ODF2L: variants seen among roughly 807,000 people sequenced by gnomAD.
The protein encoded by ODF2L is outer dense fiber of sperm tails 2 like, also known as protein BCAP.
ODF2L carries 76 observed loss-of-function variants against 86.3 expected under a neutral mutation model. The ratio of observed to expected loss-of-function variants is 0.88; its 90% CI spans 0.73 to 1.07. The LOEUF is 1.07. ODF2L is among the 50% of genes least tolerant of loss of function. The pLI, the probability that ODF2L is intolerant of heterozygous loss-of-function variation, is 0.00. For missense variants in ODF2L, 748 were observed against 717.4 expected, an observed-to-expected ratio of 1.04 and a Z score of -0.49; for synonymous variants, 241 against 231.3, an observed-to-expected ratio of 1.04 and a Z score of -0.38.
chr1:86,347,199 C>G (rs1490565792), downstream of ODF2L: 1 of 152,172 alleles, frequency 6.6e-6, no homozygotes, highest in Non-Finnish European at 1.5e-5. Context: ...TTTTTGCTTA[C>G]ATTTTTCATA....
intron 11 of ODF2L, among the ~76,000 whole-genome samples, chr1:86,361,818 T>A (rs574332470): frequency 4.6e-5 from 7 of 152,236 alleles, no homozygotes; most frequent in Admixed American, 6.5e-5. Flanking sequence ...TGAGCCAATA[T>A]GTTCACTAGT....
At chr1:86,393,881 G>A (rs1480673212) in intron 1 of ODF2L, among the ~76,000 whole-genome samples, 2 of 152,140 alleles carry the variant, frequency 1.3e-5, no homozygotes, top group Non-Finnish European at 2.9e-5. Context: ...AAGTTAGGGT[G>A]ACTAAATTAT....
At chr1:86,361,923 G>T (rs554411606) in intron 11 of ODF2L, among the ~76,000 whole-genome samples, 2 of 152,246 alleles carry the variant, frequency 1.3e-5, no homozygotes, top group South Asian at 4.1e-4. Context: ...TGGAGGGGCA[G>T]ACAGACAAAA....
Position 86,362,537 on chromosome 1 carries a change from C to T in ODF2L, c.1144-2001G>A, listed in dbSNP as rs868460764. 9.9e-5 allele frequency among the ~76,000 whole-genome samples: 15 copies of T among 152,242 alleles called. No individual in the cohort carries two copies. The South Asian group carries it at 1.2e-3, about 13-fold the overall frequency. On this transcript the variant is annotated intron_variant, in intron 11 of 17. Transcript: ENST00000317336. ...AACTTCTGAGCTGAGGCGATCCTCC[C>T]ACATTGCCTTCCTGAAGTTGCAGGA...
At chr1:86,365,065 C>T (rs529298938) in intron 11 of ODF2L, among the ~76,000 whole-genome samples, 18 of 152,046 alleles carry the variant, frequency 1.2e-4, no homozygotes, top group Non-Finnish European at 2.5e-4. Context: ...AAAATATGAA[C>T]AATATTGTGT....
Position 86,382,359 on chromosome 1 carries a change from C to T in ODF2L, c.508-1G>A, listed in dbSNP as rs1050118514. The T allele has an allele frequency of 9.9e-6, 16 of 1,609,914 alleles. No individual in the cohort carries two copies. The highest frequency in any genetic ancestry group is 1.3e-5 in the African/African-American group (1 of 74,596). Reference sequence around the variant, plus strand: ...AACGGTTTGCTTTCAAAGTATTTGCCTGTAACAAAGAGAAAGAGAAAACCA... The same window carrying T: ...AACGGTTTGCTTTCAAAGTATTTGCTTGTAACAAAGAGAAAGAGAAAACCA... On this transcript the variant is annotated splice_acceptor_variant, in intron 6 of 17. Coordinates refer to ENST00000317336, the Ensembl canonical transcript of ODF2L. LOFTEE classifies it high-confidence loss of function.
chr1:86,393,135 C>T (rs1403472243), intron 1 of ODF2L, among the ~76,000 whole-genome samples: 3 of 152,178 alleles, frequency 2.0e-5, no homozygotes, highest in Non-Finnish European at 4.4e-5. Context: ...AGTAAATTAA[C>T]TAACTTCAGA....
exon 8 of ODF2L, chr1:86,376,296 G>A (rs771608808): frequency 1.9e-6 from 3 of 1,612,812 alleles, no homozygotes; most frequent in East Asian, 2.2e-5. Flanking sequence ...GCCTTTGTTT[G>A]TAAACTTTAG....
intron 1 of ODF2L, among the ~76,000 whole-genome samples, chr1:86,390,940 A>G (rs1661282972): frequency 6.6e-6 from 1 of 152,022 alleles, no homozygotes; most frequent in South Asian, 2.1e-4. Flanking sequence ...AATCCTAAAG[A>G]CTCCTCCAAA....
exon 16 of ODF2L, chr1:86,354,612 T>G: frequency 6.2e-7 from 1 of 1,608,386 alleles, no homozygotes; most frequent in East Asian, 2.2e-5. Flanking sequence ...AAACTTAAGA[T>G]TGCTGTGCTT....
intron 7 of ODF2L, 22 bp downstream of exon 7, chr1:86,382,220 T>C (rs369008521): frequency 4.5e-6 from 7 of 1,552,470 alleles, no homozygotes; most frequent in Non-Finnish European, 5.2e-6. Context: ...GCTATAAAAA[T>C]GGATATATAT....
chr1:86,353,798 A>C (rs1658326387), intron 16 of ODF2L, among the ~76,000 whole-genome samples: 1 of 152,188 alleles, frequency 6.6e-6, no homozygotes, highest in Non-Finnish European at 1.5e-5. Context: ...TAGGACAAAC[A>C]TTGACGCCCT....
rs1030262717 is a variant in ODF2L at position 86,352,772 on chromosome 1, G to C, written c.1893+87C>G. On this transcript the variant is annotated intron_variant, in intron 17 of 17. Transcript: ENST00000317336. Reference sequence around the variant, plus strand: ...TTTTAATATTATCAGTAAAACAATAGACTTGATTCACTCACTTTGTATTTT... The same window carrying C: ...TTTTAATATTATCAGTAAAACAATACACTTGATTCACTCACTTTGTATTTT... The C allele has an allele frequency of 1.0e-5, 8 of 776,528 alleles. No individual in the cohort carries two copies. The African/African-American group carries it at 1.1e-4, about 10-fold the overall frequency. 48.1% of individuals were successfully genotyped at this position (776,528 alleles called of 1,614,324 possible).
At chr1:86,363,055 G>A (rs1271973365) in intron 11 of ODF2L, among the ~76,000 whole-genome samples, 1 of 152,220 alleles carries the variant, frequency 6.6e-6, no homozygotes, top group East Asian at 1.9e-4. Context: ...TCACAGTAAC[G>A]ATGAGAGATG....
intron 8 of ODF2L, among the ~76,000 whole-genome samples, chr1:86,373,815 C>T (rs750345642): frequency 4.6e-5 from 7 of 152,116 alleles, no homozygotes; most frequent in Non-Finnish European, 7.4e-5. Flanking sequence ...ACACTGCTAC[C>T]GTCCACACAG....
rs572920946 is a variant in ODF2L, at chr1:86,364,599, G to T, written c.1143+4037C>A. Among the ~76,000 whole-genome samples the T allele has an allele frequency of 3.2e-4, 48 of 152,290 alleles. 1 individual carries two copies. The South Asian group carries it at 9.7e-3, about 31-fold the overall frequency. On this transcript the variant is annotated intron_variant, in intron 11 of 17. Transcript: ENST00000317336. Reference sequence around the variant, plus strand: ...AGGCAGGGGTCAAGTGCCTAAGTAAGTAAAAGAATCAAGTCATATGGGAAT... The same window carrying T: ...AGGCAGGGGTCAAGTGCCTAAGTAATTAAAAGAATCAAGTCATATGGGAAT...
chr1:86,387,040 T>C, exon 2 of ODF2L: 1 of 1,385,828 alleles, frequency 7.2e-7, no homozygotes, highest in Non-Finnish European at 1.0e-6. Context: ...ATTCAGTAAA[T>C]GGATTTATAG....
chr1:86,394,515 A>G (rs1309131459), intron 1 of ODF2L, among the ~76,000 whole-genome samples: 1 of 152,174 alleles, frequency 6.6e-6, no homozygotes, highest in South Asian at 2.1e-4. Flanking sequence ...TTTAATACTC[A>G]TAAGTTCAAT....
chr1:86,356,605 G>A lies in ODF2L; in HGVS notation c.1360-3C>T. 6.2e-7 allele frequency: 1 copy of A among 1,610,654 alleles called. No individual in the cohort carries two copies. The highest frequency in any genetic ancestry group is 2.2e-5 in the East Asian group (1 of 44,830). On this transcript the variant is annotated splice_polypyrimidine_tract_variant and splice_region_variant and intron_variant, in intron 13 of 17. Transcript: ENST00000317336. ...TGAGACTCCATCTGGCCTCTCATCT[G>A]AGTTGTGGCAGTAGGGAAATAAGTG...
Sources: allele counts gnomAD v4.1 joint callset (sites outside exome capture counted in the v4.1 genomes callset), GRCh38; gene constraint gnomAD v4.1.1; transcripts MANE v1.5; gene names NCBI Gene and HGNC (gene_info 2026-07-23, HGNC 2026-07-21).